BBS12: variants seen among roughly 807,000 people sequenced by gnomAD.
BBS12 encodes the protein chaperonin-containing T-complex member BBS12.
Under a neutral mutation model 5.6 loss-of-function variants are expected in BBS12, and 5 were observed. The observed-to-expected ratio is 0.89, with a 90% confidence interval of 0.46 to 1.86. The LOEUF is 1.86. Ranked by LOEUF, BBS12 falls within the 40% of genes most tolerant of loss-of-function variation. The pLI is 0.01. For synonymous variants in BBS12, 308 were observed against 306.8 expected (o/e 1.00, Z -0.04); for missense variants, 748 against 830.4 (o/e 0.90, Z 1.22).
At chr4:122,722,062 ACCTTTC>A in the BBS12 span, among the ~76,000 whole-genome samples, 15 of 151,908 alleles carry the variant, frequency 9.9e-5, no homozygotes, top group African/African-American at 3.6e-4. Flanking sequence ...TTATATTTTT[ACCTTTC>A]ATATCTAAAT....
chr4:122,731,289 T>A (rs1252544680), upstream of BBS12: 1 of 152,246 alleles, frequency 6.6e-6, no homozygotes, highest in African/African-American at 2.4e-5. Flanking sequence ...ATTCAATATA[T>A]GTTGCTGAAT....
chr4:122,719,743 A>T, the BBS12 span, among the ~76,000 whole-genome samples: 9 of 152,352 alleles, frequency 5.9e-5, no homozygotes, highest in South Asian at 1.7e-3. Flanking sequence ...GTTTAATTAG[A>T]CAGTTGTGCA....
At chr4:122,711,976 A>T in the BBS12 span, among the ~76,000 whole-genome samples, 2 of 152,232 alleles carry the variant, frequency 1.3e-5, no homozygotes, top group African/African-American at 4.8e-5. Flanking sequence ...CACATAAGGC[A>T]AATTGGTCTC....
At chr4:122,722,953 G>C in the BBS12 span, among the ~76,000 whole-genome samples, 1 of 152,190 alleles carries the variant, frequency 6.6e-6, no homozygotes, top group African/African-American at 2.4e-5. Flanking sequence ...TTTAACTGAT[G>C]TTTATAGGTT....
In BBS12 at chr4:122,736,315, A is replaced by G. The variant is rs928069164; in HGVS notation, c.-11+3431A>G. 2.0e-5 allele frequency among the ~76,000 whole-genome samples: 3 copies of G among 152,172 alleles called. 1 individual carries two copies. The highest frequency in any genetic ancestry group is 7.2e-5 in the African/African-American group (3 of 41,446). On this transcript the variant is annotated intron_variant, in intron 1 of 1. Transcript: ENST00000314218. The stretch of plus-strand genomic sequence containing the variant: ...TATTTTCTGAGTTAGAGGTTTTTAA[A>G]CAGTAGAGTGACATGATTAGACTTC...
the BBS12 span, among the ~76,000 whole-genome samples, chr4:122,708,749 A>G: frequency 2.6e-5 from 4 of 152,290 alleles, no homozygotes; most frequent in South Asian, 2.1e-4. Context: ...GCCACCTTCT[A>G]TACAAGCTGT....
chr4:122,715,148 TACAC>T, the BBS12 span, among the ~76,000 whole-genome samples: 1 of 151,512 alleles, frequency 6.6e-6, no homozygotes, highest in Non-Finnish European at 1.5e-5. Context: ...AGATAATATT[TACAC>T]ACACACACGC....
In BBS12 at chr4:122,742,660, T is replaced by TA. The variant is rs1400818225; in HGVS notation, c.769dup (p.Thr257AsnfsTer10). On this transcript the variant is annotated frameshift_variant, in exon 2 of 2. Coordinates refer to ENST00000314218, the MANE Select transcript of BBS12 (RefSeq NM_152618.3). LOFTEE classifies it low-confidence loss of function (END_TRUNC). ...AACCAGATGGATTTCAAGAACATGT[T>TA]ACAGCTACTCACAAAACTTACAGAT... The TA allele has an allele frequency of 6.2e-7, 1 of 1,614,266 alleles. No individual in the cohort carries two copies. The highest frequency in any genetic ancestry group is 1.1e-5 in the South Asian group (1 of 91,088).
intron 1 of BBS12, among the ~76,000 whole-genome samples, chr4:122,734,887 A>G (rs1021352745): frequency 7.9e-5 from 12 of 152,326 alleles, no homozygotes. Context: ...AACATTAATC[A>G]TCATCATTAT....
rs149523403 is a variant in BBS12 at position 122,735,917 on chromosome 4, G to A, written c.-11+3033G>A. The stretch of plus-strand genomic sequence containing the variant: ...AGAGTACAGAGGGAAAAGAGGATTT[G>A]TGGTATTCTATAGAGTGCTCAGGGT... On this transcript the variant is annotated intron_variant, in intron 1 of 1. Coordinates refer to ENST00000314218, the MANE Select transcript of BBS12 (RefSeq NM_152618.3). Among the ~76,000 whole-genome samples the A allele has an allele frequency of 3.0e-3, 454 of 152,324 alleles. 1 individual carries two copies. The highest frequency in any genetic ancestry group is 8.8e-3 in the African/African-American group (366 of 41,564).
At chr4:122,712,395 G>C in the BBS12 span, among the ~76,000 whole-genome samples, 1 of 152,212 alleles carries the variant, frequency 6.6e-6, no homozygotes, top group African/African-American at 2.4e-5. Flanking sequence ...CCTCACAAAA[G>C]GCTATGATGG....
Position 122,741,967 on chromosome 4 carries a change from A to T in BBS12, c.75A>T (p.Thr25=). ...GLQQLSSFAE[T]GRTFLGPLKS... ...AACAACTTTCATCATTCGCGGAAAC[A>T]GGAAGAACTTTCCTAGGCCCACTAA... The change falls in exon 2 of 2, where the codon ACA becomes ACT. Residue 25 remains threonine, a synonymous_variant. Coordinates refer to ENST00000314218, the MANE Select transcript of BBS12 (RefSeq NM_152618.3). 18 of 1,613,714 alleles carry T rather than the reference A, an allele frequency of 1.1e-5. No homozygotes were observed. The highest frequency in any genetic ancestry group is 1.5e-5 in the Non-Finnish European group (18 of 1,179,870).
At position 122,742,855 on chromosome 4, in the gene BBS12, A is replaced by G. The variant is rs746045825; in HGVS notation, c.963A>G (p.Pro321=). 6.2e-7 allele frequency: 1 copy of G among 1,614,232 alleles called. No homozygotes were observed. Among genetic ancestry groups the G allele is most frequent in the South Asian group, 1.1e-5 (1 of 91,082 alleles). The stretch of plus-strand genomic sequence containing the variant: ...CAAGAATTTTCACTTGCTGTCTACC[A>G]GGCTTACCTGAAACTTCTTCTTGTG... ...DISRIFTCCL[P]GLPETSSCVC... The change falls in exon 2 of 2, where the codon CCA becomes CCG. Residue 321 remains proline, a synonymous_variant. Coordinates refer to ENST00000314218, the MANE Select transcript of BBS12 (RefSeq NM_152618.3).
the BBS12 span, among the ~76,000 whole-genome samples, chr4:122,711,218 G>GGTGCTGTAGAAATGAGAAA: frequency 3.3e-5 from 5 of 152,074 alleles, no homozygotes; most frequent in East Asian, 1.9e-4. Flanking sequence ...AGGAAAATAA[G>GGTGCTGTAGAAATGAGAAA]GTGCTGTAGA....
At chr4:122,739,422 A>G (rs1800832302) in intron 1 of BBS12, among the ~76,000 whole-genome samples, 1 of 152,236 alleles carries the variant, frequency 6.6e-6, no homozygotes, top group African/African-American at 2.4e-5. Context: ...ACAGCACTAT[A>G]GGAAATGTGA....
chr4:122,725,692 A>T, the BBS12 span, among the ~76,000 whole-genome samples: 1 of 151,990 alleles, frequency 6.6e-6, no homozygotes, highest in East Asian at 1.9e-4. Context: ...AGGTCAAGAG[A>T]TTGAGACAAT....
At chr4:122,722,525 A>G in the BBS12 span, among the ~76,000 whole-genome samples, 2 of 152,336 alleles carry the variant, frequency 1.3e-5, 1 homozygote, top group South Asian at 4.1e-4. Flanking sequence ...CTTCCAACCC[A>G]TGAACATAAT....
chr4:122,711,745 T>G, the BBS12 span, among the ~76,000 whole-genome samples: 1 of 152,192 alleles, frequency 6.6e-6, no homozygotes, highest in African/African-American at 2.4e-5. Context: ...CTGTCTTTAT[T>G]TGGAAATTAA....
upstream of BBS12, chr4:122,731,317 T>C (rs1020550195): frequency 6.6e-6 from 1 of 152,250 alleles, no homozygotes; most frequent in Non-Finnish European, 1.5e-5. Context: ...TTCCAAATTC[T>C]GGCCCCATTC....
Sources: gnomAD v4.1 joint callset for allele counts (sites outside exome capture counted in the v4.1 genomes callset) on GRCh38, gnomAD v4.1.1 for gene constraint, MANE v1.5 for transcripts, NCBI Gene and HGNC (gene_info 2026-07-23, HGNC 2026-07-21) for gene names.